AFF2: variants seen among roughly 807,000 people sequenced by gnomAD.
AFF2 encodes the protein ALF transcription elongation factor 2.
In AFF2, 14 loss-of-function variants were observed where a neutral mutation model predicts 76.9. The observed-to-expected ratio is 0.18, with a 90% CI of 0.12 to 0.28. The LOEUF (loss-of-function observed/expected upper bound fraction) is 0.28, where lower values mean the gene tolerates loss of function less well. Among genes scored for constraint, AFF2 ranks in the 10% least tolerant of loss-of-function variants. The pLI is 1.00. For missense variants in AFF2, 868 were observed against 1,001.1 expected (o/e 0.87, Z 1.79); for synonymous variants, 398 against 366.7 (o/e 1.09, Z -0.98).
chrX:148,806,445 G>A (rs2070134543), intron 3 of AFF2, among the ~76,000 whole-genome samples: 1 of 111,990 alleles, frequency 8.9e-6, no homozygotes, highest in Non-Finnish European at 1.9e-5. Context: ...GTCTGACATG[G>A]CAGTGTCGGT....
chrX:148,525,941 G>C (rs2052653188), intron 1 of AFF2, among the ~76,000 whole-genome samples: 1 of 111,480 alleles, frequency 9.0e-6, no homozygotes, highest in African/African-American at 3.3e-5. Context: ...ACCAACTTCA[G>C]GACTTCCACT....
chrX:148,784,917 G>GT, intron 3 of AFF2, among the ~76,000 whole-genome samples: 1 of 111,725 alleles, frequency 9.0e-6, no homozygotes, highest in Admixed American at 9.5e-5. Flanking sequence ...GACATAAGTG[G>GT]GTGACACAAA....
At chrX:148,960,483 G>A (rs551666835) in intron 12 of AFF2, among the ~76,000 whole-genome samples, 4 of 112,020 alleles carry the variant, frequency 3.6e-5, no homozygotes, top group African/African-American at 1.3e-4. Context: ...AGCCTTTATC[G>A]TTCAGAAAGA....
chrX:148,913,122 G>A (rs782329089), intron 9 of AFF2, among the ~76,000 whole-genome samples: 3 of 112,420 alleles, frequency 2.7e-5, no homozygotes, highest in Non-Finnish European at 5.6e-5. Flanking sequence ...TTGCACAAAT[G>A]TCTGAACACC....
chrX:148,642,603 A>G (rs1445095313), intron 1 of AFF2, among the ~76,000 whole-genome samples: 1 of 111,962 alleles, frequency 8.9e-6, no homozygotes, highest in African/African-American at 3.3e-5. Flanking sequence ...TGCAGAAGCA[A>G]CTGGTATGGA....
At chrX:148,668,171 A>G (rs1298309661) in intron 3 of AFF2, among the ~76,000 whole-genome samples, 1 of 113,108 alleles carries the variant, frequency 8.8e-6, no homozygotes, top group African/African-American at 3.2e-5. Context: ...CTTTGACTCC[A>G]TGTCTCACAT....
chrX:148,597,519 A>G (rs1345194222), intron 1 of AFF2, among the ~76,000 whole-genome samples: 1 of 112,343 alleles, frequency 8.9e-6, no homozygotes, highest in Admixed American at 9.4e-5. Flanking sequence ...CAGGACTAAA[A>G]TGGTTTCACT....
chrX:148,504,697 A>G (rs2124181784), intron 1 of AFF2, among the ~76,000 whole-genome samples: 1 of 113,050 alleles, frequency 8.8e-6, no homozygotes, highest in East Asian at 2.8e-4. Context: ...TCCGAACTGC[A>G]CTTTCCCCAG....
At chrX:148,592,823 A>C (rs1265979143) in intron 1 of AFF2, among the ~76,000 whole-genome samples, 2 of 112,184 alleles carry the variant, frequency 1.8e-5, no homozygotes, top group Non-Finnish European at 3.8e-5. Context: ...AGTCAGCTCT[A>C]TAACCTCCCA....
chrX:148,882,457 G>A (rs1557278601), intron 7 of AFF2, among the ~76,000 whole-genome samples: 1 of 111,983 alleles, frequency 8.9e-6, no homozygotes, highest in Non-Finnish European at 1.9e-5. Flanking sequence ...CATTGTGGAT[G>A]ACTAGACCCT....
intron 3 of AFF2, among the ~76,000 whole-genome samples, chrX:148,770,354 A>G (rs1478028037): frequency 3.6e-5 from 4 of 111,428 alleles, no homozygotes; most frequent in African/African-American, 1.3e-4. Flanking sequence ...GAAAACTGAT[A>G]TTTTCTTATA....
intron 1 of AFF2, among the ~76,000 whole-genome samples, chrX:148,581,020 C>T (rs1451189699): frequency 2.7e-5 from 1 of 37,692 alleles, no homozygotes; most frequent in Admixed American, 3.9e-4. Flanking sequence ...TACACACAAA[C>T]ATATGTGTAT....
chrX:148,724,752 A>G (rs2055135645), intron 3 of AFF2, among the ~76,000 whole-genome samples: 1 of 112,535 alleles, frequency 8.9e-6, no homozygotes, highest in Admixed American at 9.4e-5. Flanking sequence ...TTCATGTCAT[A>G]TAGTTAGAGT....
chrX:148,973,397 C>A (rs2072283010), intron 15 of AFF2, 74 bp from the exon 16 acceptor site: 1 of 1,152,145 alleles, frequency 8.7e-7, no homozygotes, highest in Admixed American at 2.2e-5. Context: ...AACTACCCCC[C>A]AGTTTCAAAC....
chrX:148,669,302 A>G (rs981687149), intron 3 of AFF2, among the ~76,000 whole-genome samples: 3 of 111,861 alleles, frequency 2.7e-5, no homozygotes, highest in Non-Finnish European at 5.6e-5. Flanking sequence ...TGAGCCCTCC[A>G]AACTGTCCCA....
At chrX:148,945,860 C>T (rs2071894418) in intron 9 of AFF2, among the ~76,000 whole-genome samples, 1 of 112,144 alleles carries the variant, frequency 8.9e-6, no homozygotes, top group South Asian at 3.8e-4. Flanking sequence ...ACCCTATGCT[C>T]TTCCCATTGT....
At chrX:148,900,858 T>C (rs1338867892) in intron 8 of AFF2, among the ~76,000 whole-genome samples, 1 of 112,213 alleles carries the variant, frequency 8.9e-6, no homozygotes, top group African/African-American at 3.2e-5. Context: ...ACTACTGATA[T>C]GGAGAGTAGA....
At chrX:148,911,466 G>T (rs1249230430) in intron 9 of AFF2, among the ~76,000 whole-genome samples, 3 of 111,614 alleles carry the variant, frequency 2.7e-5, no homozygotes, top group Non-Finnish European at 5.6e-5. Context: ...GACAAGTTTT[G>T]TGGGATTTTC....
Position 148,923,342 on chromosome X carries a change from T to C in AFF2, c.1397+19084T>C, listed in dbSNP as rs147551317. On this transcript the variant is annotated intron_variant, in intron 9 of 20. Transcript: ENST00000370460. ...CAGTTAGGTTGCGTTTATCAGACTT[T>C]GTAGATTTGGAGATTAAAATGATTT... Among the ~76,000 whole-genome samples the C allele has an allele frequency of 7.9e-3, 881 of 111,969 alleles. 9 individuals are homozygous for C. The highest frequency in any genetic ancestry group is 0.027 in the African/African-American group (825 of 30,854).
Sources: allele counts gnomAD v4.1 joint callset (sites outside exome capture counted in the v4.1 genomes callset), GRCh38; gene constraint gnomAD v4.1.1; transcripts MANE v1.5; gene names NCBI Gene and HGNC (gene_info 2026-07-23, HGNC 2026-07-21).